Variants in BRD9 observed in about 807,000 individuals in gnomAD.
The protein encoded by BRD9 is bromodomain-containing protein 9.
Under a neutral mutation model 68.7 loss-of-function variants are expected in BRD9, and 47 were observed. The observed-to-expected ratio is 0.68, with a 90% CI of 0.54 to 0.87. BRD9 has a LOEUF of 0.87. Ranked by LOEUF, BRD9 falls within the 40% of genes least tolerant of loss-of-function variation. The pLI, the probability that BRD9 is intolerant of heterozygous loss-of-function variation, is 0.00. For missense variants in BRD9, 670 were observed against 748.4 expected (o/e 0.90, Z 1.22); for synonymous variants, 313 against 293.9 (o/e 1.06, Z -0.67).
chr5:864,157 T>A lies in BRD9; in HGVS notation c.*311A>T, dbSNP rs1748998616. ...GGTTCACGGGGCTGTGTACAGAGACTCTCTCTGCTGACACGATGGCCACAC... is the reference window on the plus strand; with the variant it reads ...GGTTCACGGGGCTGTGTACAGAGACACTCTCTGCTGACACGATGGCCACAC... On this transcript the variant is annotated 3_prime_UTR_variant, in exon 16 of 16. Transcript: ENST00000467963. The A allele has an allele frequency of 6.3e-5, 14 of 220,754 alleles. No homozygotes were observed. In the South Asian group the frequency reaches 9.5e-4, roughly 15 times the overall value. 13.7% of individuals were successfully genotyped at this position (220,754 alleles called of 1,614,324 possible).
At chr5:892,483 C>T (rs1753602209) in intron 1 of BRD9, 123 bp downstream of exon 1, 4 of 1,455,286 alleles carry the variant, frequency 2.7e-6, no homozygotes, top group Non-Finnish European at 3.6e-6. Flanking sequence ...CCCGCGTGCC[C>T]AGAACCCCTC....
chr5:886,240 G>T (rs762547590), intron 7 of BRD9, among the ~76,000 whole-genome samples: 4 of 152,266 alleles, frequency 2.6e-5, no homozygotes, highest in Admixed American at 1.3e-4. Flanking sequence ...CCGCTTGTGC[G>T]GCACAGTCTG....
intron 12 of BRD9, among the ~76,000 whole-genome samples, chr5:875,324 A>G (rs1194198717): frequency 6.6e-6 from 1 of 151,882 alleles, no homozygotes; most frequent in African/African-American, 2.4e-5. Flanking sequence ...CATGTGGGAA[A>G]CAAAGATGAC....
intron 12 of BRD9, among the ~76,000 whole-genome samples, chr5:873,681 A>G (rs1162009708): frequency 6.6e-6 from 1 of 152,102 alleles, no homozygotes; most frequent in African/African-American, 2.4e-5. Flanking sequence ...CTGCAAATAC[A>G]CACGTCCTTT....
At chr5:888,626 T>TA (rs1752911126) in intron 5 of BRD9, among the ~76,000 whole-genome samples, 1 of 152,216 alleles carries the variant, frequency 6.6e-6, no homozygotes, top group Non-Finnish European at 1.5e-5. Flanking sequence ...CAGAAAAACT[T>TA]ACTATGCTAA....
chr5:875,266 C>G (rs1750735513), intron 12 of BRD9, among the ~76,000 whole-genome samples: 2 of 151,840 alleles, frequency 1.3e-5, no homozygotes, highest in South Asian at 4.1e-4. Context: ...GGCTTGTGGT[C>G]TGTACAAAAG....
At chr5:884,788 C>T (rs1005819668) in intron 7 of BRD9, among the ~76,000 whole-genome samples, 10 of 152,262 alleles carry the variant, frequency 6.6e-5, no homozygotes, top group African/African-American at 2.4e-4. Flanking sequence ...GACAACCTGG[C>T]AACCCTACAC....
At chr5:877,742 T>A (rs577251612) in intron 11 of BRD9, among the ~76,000 whole-genome samples, 10 of 152,280 alleles carry the variant, frequency 6.6e-5, no homozygotes, top group African/African-American at 1.9e-4. Flanking sequence ...CCGACCCCAG[T>A]GCCTTGGAAT....
At chr5:882,809 A>C (rs959380762) in intron 8 of BRD9, 1 of 170,054 alleles carries the variant, frequency 5.9e-6, no homozygotes, top group Non-Finnish European at 1.2e-5. Flanking sequence ...CCCAACACAT[A>C]AGCCAGAGAC....
At chr5:875,883 T>C (rs146967742) in intron 12 of BRD9, among the ~76,000 whole-genome samples, 59 of 152,234 alleles carry the variant, frequency 3.9e-4, no homozygotes, top group African/African-American at 1.3e-3. Flanking sequence ...AAGATGGAAA[T>C]AGAGAGTTAC....
At chr5:889,290 G>C in intron 4 of BRD9, 125 bp from the exon 5 acceptor site, 1 of 1,098,694 alleles carries the variant, frequency 9.1e-7, no homozygotes, top group Non-Finnish European at 1.3e-6. Context: ...AGTTACGAGC[G>C]TCTTTTAATT....
chr5:891,154 C>A lies in BRD9; in HGVS notation c.400+1G>T. 4 of 1,549,248 alleles carry A rather than the reference C, an allele frequency of 2.6e-6. No individual in the cohort carries two copies. The highest frequency in any genetic ancestry group is 3.5e-6 in the Non-Finnish European group (4 of 1,145,466). ...GAGAGTCTCTAAAAGTGCACCCTTGCCTGGCTGTGTCCGGCACGCTCGGAC... is the reference window on the plus strand; with the variant it reads ...GAGAGTCTCTAAAAGTGCACCCTTGACTGGCTGTGTCCGGCACGCTCGGAC... On this transcript the variant is annotated splice_donor_variant, in intron 3 of 15. Coordinates refer to ENST00000467963, the MANE Select transcript of BRD9 (RefSeq NM_023924.5). LOFTEE classifies it high-confidence loss of function.
chr5:872,172 G>A (rs912975658), intron 12 of BRD9, among the ~76,000 whole-genome samples: 11 of 152,250 alleles, frequency 7.2e-5, no homozygotes, highest in South Asian at 2.1e-4. Context: ...CCTGTGCTCC[G>A]GTGGAGCGAT....
Position 863,811 on chromosome 5 carries a change from C to G in BRD9, c.*657G>C, listed in dbSNP as rs925169315. ...GGGCAGGCAGAACACACTCCTTTCC[C>G]AGGCTCATCAATTAAACAGAAAACA... On this transcript the variant is annotated 3_prime_UTR_variant, in exon 16 of 16. Coordinates refer to ENST00000467963, the MANE Select transcript of BRD9 (RefSeq NM_023924.5). 3 of 152,322 alleles carry G rather than the reference C, an allele frequency of 2.0e-5. No individual in the cohort carries two copies. The highest frequency in any genetic ancestry group is 7.2e-5 in the African/African-American group (3 of 41,452). The allele number at this position is 152,322 out of a possible 1,614,324, so 9.4% of individuals were successfully genotyped here.
At chr5:891,532 C>G in intron 2 of BRD9, 108 bp downstream of exon 2, 1 of 1,463,292 alleles carries the variant, frequency 6.8e-7, no homozygotes, top group South Asian at 1.4e-5. Flanking sequence ...AACGGAACAC[C>G]CCCTCCCCTC....
At chr5:887,022 G>T in intron 6 of BRD9, 2 of 516,594 alleles carry the variant, frequency 3.9e-6, no homozygotes, top group Non-Finnish European at 6.9e-6. Flanking sequence ...AAGCCACTCA[G>T]GATGGCCAAG....
At position 891,846 on chromosome 5, in the gene BRD9, C is replaced by T. The variant is rs890693748; in HGVS notation, c.61G>A (p.Asp21Asn). 2.6e-6 allele frequency: 4 copies of T among 1,551,142 alleles called. No homozygotes were observed. The highest frequency in any genetic ancestry group is 3.5e-6 in the Non-Finnish European group (4 of 1,146,990). Reference sequence around the variant, plus strand: ...TTTAGAGGCTTCTCCAGGGGCTTGTCGGCATAATCTGCACAGACACAGACC... The same window carrying T: ...TTTAGAGGCTTCTCCAGGGGCTTGTTGGCATAATCTGCACAGACACAGACC... Reference protein sequence around the residue: ...EWRSSYEDYADKPLEKPLKLV... With the variant: ...EWRSSYEDYANKPLEKPLKLV... Residue 21 changes from aspartate (D) to asparagine (N), a missense_variant, in exon 2 of 16, where the codon GAC becomes AAC. Asp to Asn is a conservative substitution (Grantham distance 23, BLOSUM62 1). Coordinates refer to ENST00000467963, the MANE Select transcript of BRD9 (RefSeq NM_023924.5).
At chr5:881,624 A>G (rs1751777699) in intron 8 of BRD9, 2 of 239,702 alleles carry the variant, frequency 8.3e-6, no homozygotes, top group Non-Finnish European at 1.6e-5. Context: ...CAGGAAGAGG[A>G]GGCACTGGTG....
rs775001113 is a variant in BRD9 at position 889,788 on chromosome 5, C to T, written c.401-141G>A. On this transcript the variant is annotated intron_variant, in intron 3 of 15. Transcript: ENST00000467963. ...AGAACTGGGGATATAAAGATACATC[C>T]GACTCAGCCTTGGCTCCCACCAAGC... 48 of 1,482,108 alleles carry T rather than the reference C, an allele frequency of 3.2e-5. No individual in the cohort carries two copies. In the East Asian group the frequency reaches 4.8e-4, roughly 15 times the overall value. 91.8% of individuals were successfully genotyped at this position (1,482,108 alleles called of 1,614,324 possible). A position where few individuals can be genotyped will look rare whatever the true frequency, so the allele number is the denominator to read the frequency against.
Sources: allele counts gnomAD v4.1 joint callset (sites outside exome capture counted in the v4.1 genomes callset), GRCh38; gene constraint gnomAD v4.1.1; transcripts MANE v1.5; gene names NCBI Gene and HGNC (gene_info 2026-07-23, HGNC 2026-07-21).